The following ANO3 variants were observed in gnomAD, a reference collection of about 807,000 sequenced individuals.
The protein encoded by ANO3 is anoctamin 3.
ANO3 carries 99 observed loss-of-function variants against 144.8 expected under a neutral mutation model. The observed-to-expected ratio is 0.68, with a 90% CI of 0.58 to 0.81. The LOEUF is 0.81. Ranked by LOEUF, ANO3 falls within the 30% of genes least tolerant of loss-of-function variation. The probability of loss-of-function intolerance (pLI) is 0.00; values close to 1 mark genes in which losing one functional copy is unlikely to be tolerated. For missense variants in ANO3, 905 were observed against 1,202.2 expected, an observed-to-expected ratio of 0.75 and a Z score of 3.66; for synonymous variants, 414 against 392.6, an observed-to-expected ratio of 1.05 and a Z score of -0.64.
intron 1 of ANO3, among the ~76,000 whole-genome samples, chr11:26,262,627 T>C (rs1853215588): frequency 6.6e-6 from 1 of 152,182 alleles, no homozygotes; most frequent in East Asian, 1.9e-4. Flanking sequence ...ACACCCAATG[T>C]AATGGTATTG....
upstream of ANO3, among the ~76,000 whole-genome samples, chr11:26,307,673 G>A (rs1854413581): frequency 6.7e-6 from 1 of 149,388 alleles, no homozygotes; most frequent in Non-Finnish European, 1.5e-5. Flanking sequence ...GAGCAGAGAT[G>A]TCATCACTGC....
intron 14 of ANO3, among the ~76,000 whole-genome samples, chr11:26,589,944 C>T (rs996403691): frequency 6.6e-6 from 1 of 152,152 alleles, no homozygotes; most frequent in African/African-American, 2.4e-5. Context: ...TCCCCCAATC[C>T]AGTTTTCACC....
intron 18 of ANO3, among the ~76,000 whole-genome samples, chr11:26,626,263 GT>G (rs35577173): frequency 0.35 from 52,918 of 152,022 alleles, 10,108 homozygotes; most frequent in South Asian, 0.49. Flanking sequence ...ATTGTGTCCT[GT>G]GGGAAGCAGA....
rs7115708 is a variant in ANO3, at chr11:26,584,935, G to C, written c.1448-13430G>C. Among the ~76,000 whole-genome samples the C allele has an allele frequency of 2.6e-5, 4 of 152,164 alleles. No homozygotes were observed. The East Asian group carries it at 7.7e-4, about 29-fold the overall frequency. ...GGTGTCACTGCTGTCAGAGAGGCAG[G>C]TGTGAAAAGTAAATATAATGTGTAG... is the stretch of plus-strand genomic sequence containing the variant. On this transcript the variant is annotated intron_variant, in intron 14 of 26. Transcript: ENST00000256737.
At chr11:26,493,111 C>T (rs1459281180) in intron 4 of ANO3, among the ~76,000 whole-genome samples, 1 of 152,148 alleles carries the variant, frequency 6.6e-6, no homozygotes, top group Non-Finnish European at 1.5e-5. Flanking sequence ...GCTCTCTAGC[C>T]TTAATAACTT....
rs780839100 is a variant in ANO3 at position 26,559,788 on chromosome 11, T to G, written c.1447+9T>G. On this transcript the variant is annotated intron_variant, in intron 14 of 26. Coordinates refer to ENST00000256737, the MANE Select transcript of ANO3 (RefSeq NM_031418.4). ...TTTTATGGCAATATGGGGTAAGTAC[T>G]TTCTTCATTACTTTCTATCCCTTAT... 1.3e-6 allele frequency: 2 copies of G among 1,594,724 alleles called. No individual in the cohort carries two copies. The highest frequency in any genetic ancestry group is 1.7e-5 in the Admixed American group (1 of 59,900).
Position 26,189,938 on chromosome 11 carries a change from T to C in ANO3, c.154+608T>C, listed in dbSNP as rs79373665. On this transcript the variant is annotated intron_variant, in intron 1 of 27. Transcript: ENST00000672621. ...TTGCTCTGCAGGTTTGAGGGAACAA[T>C]ACTATACACTAATAGTTTGCATTCA... Among the ~76,000 whole-genome samples the C allele has an allele frequency of 1.6e-3, 249 of 152,256 alleles. 5 individuals are homozygous for C. In the East Asian group the frequency reaches 0.045, roughly 28 times the overall value.
chr11:26,554,182 C>T (rs1850019072), intron 13 of ANO3, among the ~76,000 whole-genome samples: 2 of 151,938 alleles, frequency 1.3e-5, no homozygotes, highest in South Asian at 4.2e-4. Context: ...AAATTGAATC[C>T]TGTGTATTTA....
intron 17 of ANO3, among the ~76,000 whole-genome samples, chr11:26,606,025 T>G (rs569621132): frequency 5.2e-4 from 79 of 152,330 alleles, no homozygotes; most frequent in African/African-American, 1.8e-3. Flanking sequence ...TAAATTGTGA[T>G]GTTAGGGTGC....
rs563639997 is a variant in ANO3 at position 26,622,605 on chromosome 11, C to T, written c.1837-1857C>T. 2.8e-4 allele frequency among the ~76,000 whole-genome samples: 43 copies of T among 151,900 alleles called. 1 individual carries two copies. In the South Asian group the frequency reaches 8.1e-3, roughly 29 times the overall value. On this transcript the variant is annotated intron_variant, in intron 17 of 26. Transcript: ENST00000256737. ...TGGGTGTTAGAGTGAGACTTTGTCT[C>T]GAAAATAAATAAATAGTTAAAAATG...
intron 24 of ANO3, among the ~76,000 whole-genome samples, chr11:26,648,696 G>A (rs574780787): frequency 6.6e-6 from 1 of 152,298 alleles, no homozygotes; most frequent in African/African-American, 2.4e-5. Context: ...AATGTAAGAG[G>A]GCATTGGATT....
At chr11:26,589,168 G>T (rs902355936) in intron 14 of ANO3, among the ~76,000 whole-genome samples, 1 of 152,174 alleles carries the variant, frequency 6.6e-6, no homozygotes, top group African/African-American at 2.4e-5. Context: ...GCCATTTATT[G>T]TCTGTGTCAC....
intron 13 of ANO3, chr11:26,559,321 C>T (rs142021312): frequency 2.1e-3 from 350 of 163,684 alleles, no homozygotes; most frequent in African/African-American, 7.7e-3. Context: ...TTCCAACTTC[C>T]CCACTCCTAG....
At chr11:26,360,692 C>T (rs1855902286) in intron 1 of ANO3, among the ~76,000 whole-genome samples, 1 of 152,090 alleles carries the variant, frequency 6.6e-6, no homozygotes, top group South Asian at 2.1e-4. Context: ...CTCATGGAAT[C>T]CTCTCTGCAT....
intron 3 of ANO3, among the ~76,000 whole-genome samples, chr11:26,447,771 C>A (rs1314079285): frequency 6.6e-6 from 1 of 152,064 alleles, no homozygotes; most frequent in Non-Finnish European, 1.5e-5. Context: ...CCCATATATC[C>A]CCACACACTC....
At chr11:26,263,194 A>G (rs1853232985) in intron 1 of ANO3, among the ~76,000 whole-genome samples, 1 of 152,216 alleles carries the variant, frequency 6.6e-6, no homozygotes. Flanking sequence ...ATGAAAATGA[A>G]TCAAGATCTT....
chr11:26,634,101 AAATT>A, intron 18 of ANO3, 99 bp from the exon 19 acceptor site: 7 of 549,986 alleles, frequency 1.3e-5, no homozygotes, highest in South Asian at 3.3e-5. Flanking sequence ...AAAAAAAATT[AAATT>A]AAAAAGACAA....
chr11:26,557,291 C>A (rs1057038005), intron 13 of ANO3, among the ~76,000 whole-genome samples: 1 of 151,834 alleles, frequency 6.6e-6, no homozygotes, highest in African/African-American at 2.4e-5. Context: ...GAAACCCTGT[C>A]TCTACTAAAA....
At chr11:26,503,929 TTGATTTCTAGG>T (rs1182130465) in intron 4 of ANO3, among the ~76,000 whole-genome samples, 3 of 152,184 alleles carry the variant, frequency 2.0e-5, no homozygotes, top group Non-Finnish European at 4.4e-5. Flanking sequence ...AACCAGTCTC[TTGATTTCTAGG>T]TCTTCTCATT....
Sources: gnomAD v4.1 joint callset for allele counts (sites outside exome capture counted in the v4.1 genomes callset) on GRCh38, gnomAD v4.1.1 for gene constraint, MANE v1.5 for transcripts, NCBI Gene and HGNC (gene_info 2026-07-23, HGNC 2026-07-21) for gene names.